Variants in UBE2U observed in about 807,000 individuals in gnomAD.
UBE2U encodes ubiquitin-conjugating enzyme E2 U.
Under a neutral mutation model 41.2 loss-of-function variants are expected in UBE2U, and 39 were observed. The ratio of observed to expected loss-of-function variants is 0.95; its 90% CI spans 0.73 to 1.24. UBE2U has a LOEUF of 1.24. Ranked by LOEUF, UBE2U falls within the 50% of genes most tolerant of loss-of-function variation. The pLI, the probability that UBE2U is intolerant of heterozygous loss-of-function variation, is 0.00. For synonymous variants in UBE2U, 107 were observed against 117.8 expected, an observed-to-expected ratio of 0.91 and a Z score of 0.60; for missense variants, 336 against 363.1, an observed-to-expected ratio of 0.93 and a Z score of 0.61.
intron 8 of UBE2U, among the ~76,000 whole-genome samples, chr1:64,255,081 G>C (rs535682570): frequency 6.6e-6 from 1 of 151,976 alleles, no homozygotes; most frequent in East Asian, 1.9e-4. Flanking sequence ...GAAATGATAA[G>C]GGAGATATCA....
At chr1:64,256,936 G>T (rs913528245) in intron 8 of UBE2U, among the ~76,000 whole-genome samples, 1 of 151,610 alleles carries the variant, frequency 6.6e-6, no homozygotes, top group African/African-American at 2.4e-5. Context: ...TAAAAAATGG[G>T]CAAAGGACAT....
At chr1:64,232,141 C>T (rs781118255) in intron 6 of UBE2U, among the ~76,000 whole-genome samples, 1 of 152,124 alleles carries the variant, frequency 6.6e-6, no homozygotes, top group Non-Finnish European at 1.5e-5. Flanking sequence ...ATTCTGTCCC[C>T]ATTATAAGAA....
At chr1:64,207,536 CA>C (rs1269085517) in intron 3 of UBE2U, among the ~76,000 whole-genome samples, 3 of 152,106 alleles carry the variant, frequency 2.0e-5, no homozygotes, top group Admixed American at 6.5e-5. Context: ...TACACTTAAC[CA>C]TTTCTGTATT....
chr1:64,231,690 C>T lies in UBE2U; in HGVS notation c.507-871C>T, dbSNP rs556796727. Among the ~76,000 whole-genome samples the T allele has an allele frequency of 4.6e-5, 7 of 152,206 alleles. No homozygotes were observed. In the East Asian group the frequency reaches 1.4e-3, roughly 29 times the overall value. On this transcript the variant is annotated intron_variant, in intron 6 of 9. Transcript: ENST00000371077. The stretch of plus-strand genomic sequence containing the variant: ...TGAGTCAAATACTTAATTTAAGGTA[C>T]CTATGATTTACCTTTAAAAACTAAT...
intron 6 of UBE2U, among the ~76,000 whole-genome samples, chr1:64,225,894 G>A (rs973904098): frequency 2.6e-5 from 4 of 152,188 alleles, no homozygotes; most frequent in African/African-American, 9.7e-5. Flanking sequence ...TGGAGCTTTC[G>A]TACATTGCTG....
chr1:64,203,759 C>T lies in UBE2U; in HGVS notation c.-292C>T. Reference sequence around the variant, plus strand: ...ACATGGGCTTGTCTCCGTTACTCATCCAAGTTTGTCTTGAGACTGGGCTGT... The same window carrying T: ...ACATGGGCTTGTCTCCGTTACTCATTCAAGTTTGTCTTGAGACTGGGCTGT... On this transcript the variant is annotated 5_prime_UTR_variant, in exon 1 of 10. Coordinates refer to ENST00000371077, the MANE Select transcript of UBE2U (RefSeq NM_001366232.2). The T allele has an allele frequency of 6.4e-6, 2 of 314,774 alleles. No individual in the cohort carries two copies. Among genetic ancestry groups the T allele is most frequent in the Admixed American group, 4.9e-5 (1 of 20,508 alleles). 19.5% of individuals were successfully genotyped at this position (314,774 alleles called of 1,614,324 possible).
intron 5 of UBE2U, chr1:64,215,611 C>T (rs1477003333): frequency 1.3e-5 from 2 of 152,370 alleles, no homozygotes; most frequent in East Asian, 3.9e-4. Flanking sequence ...CTGATTTGTA[C>T]CACTTTTCTT....
intron 9 of UBE2U, 131 bp downstream of exon 9, chr1:64,260,825 G>T: frequency 3.2e-6 from 2 of 629,868 alleles, no homozygotes; most frequent in South Asian, 3.2e-5. Context: ...CTCCTTTTAA[G>T]GTTGCTTTAA....
intron 6 of UBE2U, among the ~76,000 whole-genome samples, chr1:64,221,393 G>C (rs1054383878): frequency 6.6e-6 from 1 of 152,130 alleles, no homozygotes; most frequent in Admixed American, 6.5e-5. Flanking sequence ...GATTACAGAC[G>C]TGAGCCACTG....
intron 4 of UBE2U, among the ~76,000 whole-genome samples, chr1:64,211,745 T>C (rs1045219069): frequency 2.0e-5 from 3 of 152,172 alleles, no homozygotes; most frequent in Non-Finnish European, 4.4e-5. Context: ...CCACCCAGTG[T>C]TGTGTTATTT....
chr1:64,206,778 C>G lies in UBE2U; in HGVS notation c.163C>G (p.Leu55Val). ...NSVWQGLVFQ[L>V]TIHFTSEYNY... is the part of the protein sequence containing the mutation. Reference sequence around the variant, plus strand: ...CTATATTATAGGTTTAGTCTTCCAACTGACAATACATTTTACATCGGAGTA... The same window carrying G: ...CTATATTATAGGTTTAGTCTTCCAAGTGACAATACATTTTACATCGGAGTA... Residue 55 changes from leucine to valine, a missense_variant, in exon 3 of 10, where the codon CTG becomes GTG. Coordinates refer to ENST00000371077, the MANE Select transcript of UBE2U (RefSeq NM_001366232.2). 6.3e-7 allele frequency: 1 copy of G among 1,593,474 alleles called. No homozygotes were observed. Among genetic ancestry groups the G allele is most frequent in the Non-Finnish European group, 8.6e-7 (1 of 1,165,340 alleles).
chr1:64,244,267 G>A (rs1479848697), intron 8 of UBE2U: 1 of 1,298,962 alleles, frequency 7.7e-7, no homozygotes, highest in East Asian at 2.9e-5. Context: ...ATCTTGCAAA[G>A]TTGTTTTGCA....
chr1:64,259,757 C>G (rs1396994489), intron 8 of UBE2U, among the ~76,000 whole-genome samples: 1 of 151,898 alleles, frequency 6.6e-6, no homozygotes, highest in Non-Finnish European at 1.5e-5. Flanking sequence ...CAAGGAAATG[C>G]TCTAATAGCT....
At chr1:64,239,838 T>C (rs1644804742) in intron 7 of UBE2U, among the ~76,000 whole-genome samples, 1 of 152,142 alleles carries the variant, frequency 6.6e-6, no homozygotes, top group South Asian at 2.1e-4. Context: ...TACGTGTGCA[T>C]GTGTCTTTAT....
rs560967760 is a variant in UBE2U at position 64,220,245 on chromosome 1, A to G, written c.458-614A>G. Among the ~76,000 whole-genome samples, 4 of 150,040 alleles carry G rather than the reference A, an allele frequency of 2.7e-5. No homozygotes were observed. The South Asian group carries it at 8.3e-4, about 31-fold the overall frequency. ...AGAGGAATCTGCCAGGCTTGTGGAG[A>G]GAGAGAGAGAGAGAGAGAGCAAGTG... On this transcript the variant is annotated intron_variant, in intron 5 of 9. Coordinates refer to ENST00000371077, the MANE Select transcript of UBE2U (RefSeq NM_001366232.2).
At chr1:64,224,482 G>C (rs1026617386) in intron 6 of UBE2U, among the ~76,000 whole-genome samples, 4 of 152,186 alleles carry the variant, frequency 2.6e-5, no homozygotes, top group Non-Finnish European at 5.9e-5. Context: ...CAGCACTCTG[G>C]GAGGCCGAGG....
At chr1:64,235,777 A>G (rs1318124818) in intron 7 of UBE2U, among the ~76,000 whole-genome samples, 3 of 152,190 alleles carry the variant, frequency 2.0e-5, no homozygotes, top group Non-Finnish European at 4.4e-5. Context: ...TTATTCTTGT[A>G]TAATGCAGTT....
At chr1:64,212,921 C>T (rs375370814) in intron 4 of UBE2U, among the ~76,000 whole-genome samples, 1 of 152,056 alleles carries the variant, frequency 6.6e-6, no homozygotes, top group African/African-American at 2.4e-5. Flanking sequence ...GTAGATAACA[C>T]AATTTTGTCT....
At chr1:64,262,247 T>C (rs1645190027) in intron 9 of UBE2U, among the ~76,000 whole-genome samples, 1 of 152,254 alleles carries the variant, frequency 6.6e-6, no homozygotes, top group Non-Finnish European at 1.5e-5. Flanking sequence ...ATAGCACTTC[T>C]ACCATAGCCG....
Sources: allele counts gnomAD v4.1 joint callset (sites outside exome capture counted in the v4.1 genomes callset), GRCh38; gene constraint gnomAD v4.1.1; transcripts MANE v1.5; gene names NCBI Gene and HGNC (gene_info 2026-07-23, HGNC 2026-07-21).